MACROD2: variants seen among roughly 807,000 people sequenced by gnomAD.
MACROD2 encodes the protein mono-ADP ribosylhydrolase 2, also known as ADP-ribose glycohydrolase MACROD2.
Under a neutral mutation model 70.4 loss-of-function variants are expected in MACROD2, and 36 were observed. That is an observed-to-expected ratio of 0.51 (90% CI 0.39 to 0.68). MACROD2 has a LOEUF of 0.68. Ranked by LOEUF, MACROD2 falls within the 30% of genes least tolerant of loss-of-function variation. The pLI is 0.00. For missense variants in MACROD2, 496 were observed against 538.4 expected (o/e 0.92, Z 0.78); for synonymous variants, 172 against 178.8 (o/e 0.96, Z 0.30).
At chr20:14,932,455 A>T (rs538290623) in intron 5 of MACROD2, among the ~76,000 whole-genome samples, 225 of 152,278 alleles carry the variant, frequency 1.5e-3, no homozygotes, top group African/African-American at 5.1e-3. Context: ...AAACCTGTTA[A>T]AAGTTATCCA....
intron 3 of MACROD2, among the ~76,000 whole-genome samples, chr20:14,295,415 C>T (rs2082418647): frequency 6.6e-6 from 1 of 151,902 alleles, no homozygotes; most frequent in Non-Finnish European, 1.5e-5. Flanking sequence ...ATTGTCCCAG[C>T]TTCCTCTCTG....
intron 5 of MACROD2, among the ~76,000 whole-genome samples, chr20:15,085,454 G>A (rs536567926): frequency 1.3e-5 from 2 of 152,106 alleles, no homozygotes. Context: ...ATGAAGAGCT[G>A]GCCCACAGAA....
intron 8 of MACROD2, among the ~76,000 whole-genome samples, chr20:15,628,653 G>A (rs1353711296): frequency 1.3e-5 from 2 of 152,200 alleles, no homozygotes; most frequent in South Asian, 2.1e-4. Flanking sequence ...ACAAGACATG[G>A]ACAAAGGACA....
At chr20:15,846,116 A>G (rs1346380080) in intron 8 of MACROD2, among the ~76,000 whole-genome samples, 1 of 152,224 alleles carries the variant, frequency 6.6e-6, no homozygotes, top group Non-Finnish European at 1.5e-5. Context: ...AGGCATAAAC[A>G]TATAAATAAT....
chr20:15,465,973 A>G lies in MACROD2; in HGVS notation c.572-33801A>G, dbSNP rs150416421. 3.4e-3 allele frequency among the ~76,000 whole-genome samples: 514 copies of G among 152,340 alleles called. 1 individual carries two copies. Among genetic ancestry groups the G allele is most frequent in the African/African-American group, 0.011 (462 of 41,582 alleles). On this transcript the variant is annotated intron_variant, in intron 7 of 17. Coordinates refer to ENST00000684519, the MANE Select transcript of MACROD2 (RefSeq NM_001351661.2). ...CAAGTAACACATGGCTCCAGCTGCC[A>G]TAGAGTTTTTACCCTAGTGAAGGGA...
chr20:15,087,408 A>G (rs1172579984), intron 5 of MACROD2, among the ~76,000 whole-genome samples: 1 of 152,066 alleles, frequency 6.6e-6, no homozygotes, highest in Non-Finnish European at 1.5e-5. Context: ...GCATAGACCC[A>G]AGTTTGCATG....
At chr20:15,428,893 G>A (rs6034187) in intron 6 of MACROD2, among the ~76,000 whole-genome samples, 1 of 151,866 alleles carries the variant, frequency 6.6e-6, no homozygotes. Flanking sequence ...TGCAGAGGTT[G>A]TCAAACATTT....
At chr20:15,625,823 C>T (rs1438785343) in intron 8 of MACROD2, among the ~76,000 whole-genome samples, 2 of 146,376 alleles carry the variant, frequency 1.4e-5, no homozygotes, top group East Asian at 2.0e-4. Context: ...CTTCTCTCTC[C>T]TTTCAGTCTG....
intron 3 of MACROD2, among the ~76,000 whole-genome samples, chr20:14,386,024 G>A (rs2083464339): frequency 7.3e-6 from 1 of 137,632 alleles, no homozygotes; most frequent in Non-Finnish European, 1.6e-5. Context: ...CCAATACAGC[G>A]TATTTTTGTT....
intron 4 of MACROD2, among the ~76,000 whole-genome samples, chr20:14,605,987 A>G (rs1982775566): frequency 6.6e-6 from 1 of 152,122 alleles, no homozygotes; most frequent in African/African-American, 2.4e-5. Flanking sequence ...AAATTTATTC[A>G]CTGTTGCTTG....
At chr20:15,728,219 G>A (rs2050892526) in intron 8 of MACROD2, among the ~76,000 whole-genome samples, 1 of 84,114 alleles carries the variant, frequency 1.2e-5, no homozygotes, top group Non-Finnish European at 3.4e-5. Flanking sequence ...ATTTGTGGAT[G>A]ATGAACCAAC....
intron 5 of MACROD2, among the ~76,000 whole-genome samples, chr20:15,172,336 G>T (rs924091920): frequency 6.6e-6 from 1 of 152,170 alleles, no homozygotes; most frequent in Non-Finnish European, 1.5e-5. Context: ...GTTGGGGAAG[G>T]AATATTGAGA....
intron 5 of MACROD2, among the ~76,000 whole-genome samples, chr20:14,910,698 T>C (rs2074016027): frequency 6.6e-6 from 1 of 152,200 alleles, no homozygotes. Flanking sequence ...TTGACTGCTC[T>C]TTCTTTGCAT....
chr20:15,445,511 T>C (rs148906702), intron 7 of MACROD2, among the ~76,000 whole-genome samples: 4 of 152,268 alleles, frequency 2.6e-5, no homozygotes, highest in African/African-American at 7.2e-5. Flanking sequence ...TGTGAAGTTA[T>C]GTGTTGTAAG....
chr20:15,757,654 C>A (rs956092886), intron 8 of MACROD2, among the ~76,000 whole-genome samples: 6 of 152,140 alleles, frequency 3.9e-5, no homozygotes, highest in Non-Finnish European at 8.8e-5. Context: ...ATTTCTCATA[C>A]TTCTAGAGGC....
intron 4 of MACROD2, among the ~76,000 whole-genome samples, chr20:14,606,709 T>A (rs1311208234): frequency 6.6e-6 from 1 of 152,132 alleles, no homozygotes; most frequent in Non-Finnish European, 1.5e-5. Context: ...CTCCTAAGAT[T>A]AAAATTTTTT....
chr20:15,503,746 GT>G (rs1315069184), intron 8 of MACROD2, among the ~76,000 whole-genome samples: 1 of 152,092 alleles, frequency 6.6e-6, no homozygotes, highest in Non-Finnish European at 1.5e-5. Context: ...GACTGTGTCT[GT>G]CCATTCATGG....
At chr20:14,850,123 A>C (rs1189738261) in intron 5 of MACROD2, 1 of 404,128 alleles carries the variant, frequency 2.5e-6, no homozygotes, top group Non-Finnish European at 4.8e-6. Flanking sequence ...TAAAAGTTTG[A>C]AAGCTTTGGG....
chr20:14,076,367 CG>C (rs2053916231), intron 2 of MACROD2, among the ~76,000 whole-genome samples: 1 of 151,900 alleles, frequency 6.6e-6, no homozygotes, highest in African/African-American at 2.4e-5. Context: ...AAAGTTCATA[CG>C]GGCTGGATGT....
Sources: allele counts gnomAD v4.1 joint callset (sites outside exome capture counted in the v4.1 genomes callset), GRCh38; gene constraint gnomAD v4.1.1; transcripts MANE v1.5; gene names NCBI Gene and HGNC (gene_info 2026-07-23, HGNC 2026-07-21).